Variants in NXPE2 observed in about 807,000 individuals in gnomAD.
NXPE2 encodes neurexophilin and PC-esterase domain family member 2, also known as NXPE family member 2.
A neutral mutation model predicts 34.4 loss-of-function variants in NXPE2; 34 were observed. The ratio of observed to expected loss-of-function variants is 0.99; its 90% CI spans 0.75 to 1.31. The LOEUF (loss-of-function observed/expected upper bound fraction) is 1.31, where lower values mean the gene tolerates loss of function less well. Ranked by LOEUF, NXPE2 falls within the 40% of genes most tolerant of loss-of-function variation. NXPE2 has a pLI of 0.00. For synonymous variants in NXPE2, 235 were observed against 231.3 expected (o/e 1.02, Z -0.15); for missense variants, 649 against 672.5 (o/e 0.97, Z 0.39).
At chr11:114,721,589 T>C in the NXPE2 span, among the ~76,000 whole-genome samples, 1 of 152,112 alleles carries the variant, frequency 6.6e-6, no homozygotes, top group South Asian at 2.1e-4. Flanking sequence ...TCAGAGAGAA[T>C]GGAAAATACA....
At chr11:114,522,454 C>T in the NXPE2 span, 2 of 1,611,962 alleles carry the variant, frequency 1.2e-6, no homozygotes, top group Admixed American at 3.3e-5. Context: ...CATCCAGAAG[C>T]AAATGTTTCT....
chr11:114,625,756 T>G, the NXPE2 span, among the ~76,000 whole-genome samples: 1 of 152,168 alleles, frequency 6.6e-6, no homozygotes, highest in Non-Finnish European at 1.5e-5. Flanking sequence ...CATTTCCATC[T>G]GAGGTACCAG....
At chr11:114,571,144 T>A in the NXPE2 span, 1 of 1,613,956 alleles carries the variant, frequency 6.2e-7, no homozygotes, top group Non-Finnish European at 8.5e-7. Context: ...ATCTCCCTGA[T>A]GTTTTCTGTT....
chr11:114,641,693 G>A, the NXPE2 span, among the ~76,000 whole-genome samples: 3 of 152,052 alleles, frequency 2.0e-5, no homozygotes, highest in Non-Finnish European at 4.4e-5. Flanking sequence ...AGAAACAATA[G>A]AGATGATCAA....
At chr11:114,688,141 G>A (rs1012874337) in intron 2 of NXPE2, among the ~76,000 whole-genome samples, 3 of 151,982 alleles carry the variant, frequency 2.0e-5, no homozygotes, top group Non-Finnish European at 2.9e-5. Context: ...TAGGAGTGGT[G>A]AGAATGTACA....
At chr11:114,516,111 A>G in the NXPE2 span, among the ~76,000 whole-genome samples, 1 of 152,200 alleles carries the variant, frequency 6.6e-6, no homozygotes, top group African/African-American at 2.4e-5. Context: ...TCAAATGCAG[A>G]CAGTCTGTTG....
the NXPE2 span, among the ~76,000 whole-genome samples, chr11:114,808,748 A>G: frequency 6.6e-6 from 1 of 152,162 alleles, no homozygotes; most frequent in African/African-American, 2.4e-5. Flanking sequence ...ATTCACAGCC[A>G]AATTCTACCA....
At chr11:114,742,970 G>T in the NXPE2 span, among the ~76,000 whole-genome samples, 1 of 152,070 alleles carries the variant, frequency 6.6e-6, no homozygotes, top group Non-Finnish European at 1.5e-5. Flanking sequence ...CTGAGTTTTG[G>T]CACCTTTTGC....
chr11:114,633,109 TTA>T, the NXPE2 span, among the ~76,000 whole-genome samples: 1 of 122,140 alleles, frequency 8.2e-6, no homozygotes, highest in African/African-American at 3.2e-5. Context: ...ATATTTTACA[TTA>T]TATTTTATAT....
the NXPE2 span, among the ~76,000 whole-genome samples, chr11:114,782,953 G>T: frequency 6.6e-6 from 1 of 152,152 alleles, no homozygotes; most frequent in Non-Finnish European, 1.5e-5. Context: ...TAACTCCAGG[G>T]CTCTGGGGAG....
At chr11:114,535,874 G>A in the NXPE2 span, among the ~76,000 whole-genome samples, 2 of 152,096 alleles carry the variant, frequency 1.3e-5, no homozygotes, top group Non-Finnish European at 2.9e-5. Context: ...ACAGATCAAC[G>A]AGACAGAAAG....
intron 3 of NXPE2, among the ~76,000 whole-genome samples, chr11:114,699,796 ATTT>A (rs11314562): frequency 6.9e-5 from 9 of 129,656 alleles, no homozygotes; most frequent in South Asian, 2.4e-4. Context: ...CCATTCATTC[ATTT>A]TTTTTTTTTT....
the NXPE2 span, among the ~76,000 whole-genome samples, chr11:114,753,122 G>A: frequency 6.6e-6 from 1 of 152,180 alleles, no homozygotes; most frequent in African/African-American, 2.4e-5. Flanking sequence ...GAAAGGTGAA[G>A]TGGGCTGGGT....
chr11:114,753,126 G>A, the NXPE2 span, among the ~76,000 whole-genome samples: 1 of 152,184 alleles, frequency 6.6e-6, no homozygotes. Flanking sequence ...GGTGAAGTGG[G>A]CTGGGTGAAG....
the NXPE2 span, among the ~76,000 whole-genome samples, chr11:114,719,455 C>G: frequency 0.087 from 13,306 of 152,166 alleles, 1,971 homozygotes; most frequent in African/African-American, 0.3. Context: ...TCAGGAGGGT[C>G]GGGGAGCTGC....
the NXPE2 span, among the ~76,000 whole-genome samples, chr11:114,738,484 A>G: frequency 1.2e-4 from 19 of 152,240 alleles, no homozygotes; most frequent in Admixed American, 1.2e-3. Context: ...ACCTAAAGCA[A>G]TTGGGATATG....
intron 2 of NXPE2, among the ~76,000 whole-genome samples, chr11:114,682,797 C>A (rs967981767): frequency 6.6e-6 from 1 of 151,636 alleles, no homozygotes; most frequent in Non-Finnish European, 1.5e-5. Flanking sequence ...TCCTTTAGAC[C>A]TTTAAGAAAA....
chr11:114,767,335 A>G, the NXPE2 span, among the ~76,000 whole-genome samples: 7 of 152,298 alleles, frequency 4.6e-5, no homozygotes, highest in East Asian at 1.3e-3. Context: ...CTGACAGTGG[A>G]GCTCAAAGAA....
At chr11:114,665,577 A>C in the NXPE2 span, among the ~76,000 whole-genome samples, 135 of 152,320 alleles carry the variant, frequency 8.9e-4, no homozygotes, top group East Asian at 0.01. Flanking sequence ...AAGCCCACGT[A>C]GTTAACATCA....
Sources: allele counts gnomAD v4.1 joint callset (sites outside exome capture counted in the v4.1 genomes callset), GRCh38; gene constraint gnomAD v4.1.1; transcripts MANE v1.5; gene names NCBI Gene and HGNC (gene_info 2026-07-23, HGNC 2026-07-21).